The following IFT80 variants were observed in gnomAD, a reference collection of about 807,000 sequenced individuals.
IFT80 encodes intraflagellar transport protein 80 homolog.
A neutral mutation model predicts 107.9 loss-of-function variants in IFT80; 79 were observed. That is an observed-to-expected ratio of 0.73 (90% CI 0.61 to 0.88). The LOEUF is 0.88. IFT80 is among the 40% of genes least tolerant of loss of function. IFT80 has a pLI of 0.00. For missense variants in IFT80, 797 were observed against 914.2 expected (o/e 0.87, Z 1.65); for synonymous variants, 299 against 300.9 (o/e 0.99, Z 0.07).
chr3:160,268,590 G>C, intron 18 of IFT80, 54 bp from the exon 19 acceptor site: 1 of 1,554,234 alleles, frequency 6.4e-7, no homozygotes, highest in Non-Finnish European at 8.9e-7. Context: ...GACTCCATGA[G>C]TAGTAGAGTT....
Position 160,258,135 on chromosome 3 carries a change from C to T in IFT80, c.*390G>A. On this transcript the variant is annotated 3_prime_UTR_variant, in exon 20 of 20. Transcript: ENST00000326448. ...TGTTCTATAAATAAACTTTTGGAGG[C>T]ATTTTACAATTTAGAGGTCAAATAG... The T allele has an allele frequency of 4.9e-6, 1 of 205,482 alleles. No individual in the cohort carries two copies. 12.7% of individuals were successfully genotyped at this position (205,482 alleles called of 1,614,324 possible).
intron 1 of IFT80, among the ~76,000 whole-genome samples, chr3:160,390,107 G>T (rs1338914839): frequency 6.6e-6 from 1 of 152,102 alleles, no homozygotes; most frequent in East Asian, 1.9e-4. Flanking sequence ...GCTTCTACTT[G>T]AGAGATCTAT....
chr3:160,342,947 C>A, intron 8 of IFT80: 2 of 155,384 alleles, frequency 1.3e-5, no homozygotes, highest in South Asian at 3.8e-4. Flanking sequence ...TGCCAAAATC[C>A]AAAGCAATCT....
intron 12 of IFT80, among the ~76,000 whole-genome samples, chr3:160,299,472 T>C (rs1716241863): frequency 6.6e-6 from 1 of 152,358 alleles, no homozygotes; most frequent in East Asian, 1.9e-4. Flanking sequence ...TGTTTCATGA[T>C]ATATATTAAC....
At chr3:160,267,049 G>A (rs1406875376) in intron 19 of IFT80, among the ~76,000 whole-genome samples, 1 of 152,020 alleles carries the variant, frequency 6.6e-6, no homozygotes, top group African/African-American at 2.4e-5. Flanking sequence ...ATCAAAAAAA[G>A]GTTTGTGGAG....
chr3:160,313,121 T>A (rs1229418311), intron 9 of IFT80, among the ~76,000 whole-genome samples: 1 of 124,566 alleles, frequency 8.0e-6, no homozygotes, highest in Non-Finnish European at 1.6e-5. Context: ...TATATTTAAA[T>A]CTTTTGGTGC....
chr3:160,366,140 T>C lies in IFT80; in HGVS notation c.452A>G (p.Tyr151Cys). Residue 151 changes from tyrosine (Y) to cysteine (C), a missense_variant, in exon 6 of 20, where the codon TAT becomes TGT. Coordinates refer to ENST00000326448, the MANE Select transcript of IFT80 (RefSeq NM_020800.3). Reference protein sequence around the residue: ...STLAQQGTPVYSVAWGPDSEK... With the variant: ...STLAQQGTPVCSVAWGPDSEK... ...TGAATCAGGGCCCCACGCTACTGAA[T>C]ACACTGGTGTTCCTGTAAGATGAAA... is the stretch of plus-strand genomic sequence containing the variant. 1.2e-6 allele frequency: 2 copies of C among 1,609,576 alleles called. No individual in the cohort carries two copies. Among genetic ancestry groups the C allele is most frequent in the Non-Finnish European group, 1.7e-6 (2 of 1,176,590 alleles).
intron 1 of IFT80, among the ~76,000 whole-genome samples, chr3:160,385,477 T>G (rs1178932504): frequency 6.6e-6 from 1 of 152,224 alleles, no homozygotes; most frequent in Non-Finnish European, 1.5e-5. Flanking sequence ...AGTTGAAAAT[T>G]ACTGCTAACT....
chr3:160,315,335 C>T (rs1450335155), intron 9 of IFT80, among the ~76,000 whole-genome samples: 2 of 152,130 alleles, frequency 1.3e-5, no homozygotes, highest in Admixed American at 6.5e-5. Context: ...TTCTCCCATA[C>T]CTGTGAAGAT....
intron 6 of IFT80, among the ~76,000 whole-genome samples, chr3:160,362,593 T>C (rs1482985935): frequency 6.6e-6 from 1 of 152,184 alleles, no homozygotes; most frequent in Non-Finnish European, 1.5e-5. Flanking sequence ...CCAATATCCC[T>C]GATGAACACC....
chr3:160,261,259 C>G (rs1712802130), intron 19 of IFT80, among the ~76,000 whole-genome samples: 1 of 151,968 alleles, frequency 6.6e-6, no homozygotes, highest in Non-Finnish European at 1.5e-5. Flanking sequence ...CGGCTGTTTT[C>G]AGTCCTTATC....
chr3:160,319,299 T>G (rs935741324), intron 9 of IFT80, among the ~76,000 whole-genome samples: 1 of 152,028 alleles, frequency 6.6e-6, no homozygotes, highest in African/African-American at 2.4e-5. Flanking sequence ...TATACCATTT[T>G]CCCATTTTGA....
intron 5 of IFT80, among the ~76,000 whole-genome samples, chr3:160,369,503 A>G (rs1018704101): frequency 2.0e-5 from 3 of 152,102 alleles, no homozygotes; most frequent in Admixed American, 6.5e-5. Flanking sequence ...ATAGCTATAC[A>G]ACTTTCAATT....
chr3:160,274,482 A>T (rs1714077253), intron 18 of IFT80: 1 of 152,266 alleles, frequency 6.6e-6, no homozygotes, highest in African/African-American at 2.4e-5. Context: ...CTGCAAAATG[A>T]TGAAGAGTAT....
chr3:160,368,645 A>T (rs1576881345), intron 5 of IFT80, among the ~76,000 whole-genome samples: 2 of 151,904 alleles, frequency 1.3e-5, no homozygotes, highest in Non-Finnish European at 1.5e-5. Context: ...ACTCCCCAAA[A>T]ATAGAAGTCA....
chr3:160,269,214 G>T (rs1388744224), intron 18 of IFT80, among the ~76,000 whole-genome samples: 1 of 139,068 alleles, frequency 7.2e-6, no homozygotes, highest in East Asian at 2.0e-4. Flanking sequence ...GGGTGACAGA[G>T]CGAGACTCAA....
chr3:160,303,008 T>C (rs551024301), intron 11 of IFT80, among the ~76,000 whole-genome samples: 1 of 152,314 alleles, frequency 6.6e-6, no homozygotes, highest in South Asian at 2.1e-4. Context: ...CTTTCCTTCC[T>C]GTCATTGTGC....
At chr3:160,317,046 G>C (rs2108294434) in intron 9 of IFT80, among the ~76,000 whole-genome samples, 1 of 151,936 alleles carries the variant, frequency 6.6e-6, no homozygotes, top group Middle Eastern at 3.4e-3. Flanking sequence ...ATCAATTACA[G>C]CTGAATTTAT....
At chr3:160,368,313 G>A (rs1389234462) in intron 5 of IFT80, among the ~76,000 whole-genome samples, 1 of 138,868 alleles carries the variant, frequency 7.2e-6, no homozygotes, top group East Asian at 2.1e-4. Flanking sequence ...TTGTGAGCAA[G>A]TCCCAATGGT....
Sources: gnomAD v4.1 joint callset for allele counts (sites outside exome capture counted in the v4.1 genomes callset) on GRCh38, gnomAD v4.1.1 for gene constraint, MANE v1.5 for transcripts, NCBI Gene and HGNC (gene_info 2026-07-23, HGNC 2026-07-21) for gene names.